ARHGAP6: variants seen among roughly 807,000 people sequenced by gnomAD.
ARHGAP6 encodes Rho GTPase activating protein 6.
A neutral mutation model predicts 55.7 loss-of-function variants in ARHGAP6; 16 were observed. That is an observed-to-expected ratio of 0.29 (90% CI 0.19 to 0.44). The LOEUF (loss-of-function observed/expected upper bound fraction) is 0.44, where lower values mean the gene tolerates loss of function less well. Among genes scored for constraint, ARHGAP6 ranks in the 20% least tolerant of loss-of-function variants. The probability of loss-of-function intolerance (pLI) is 1.00; values close to 1 mark genes in which losing one functional copy is unlikely to be tolerated. For missense variants in ARHGAP6, 698 were observed against 808.9 expected (o/e 0.86, Z 1.66); for synonymous variants, 382 against 360.9 (o/e 1.06, Z -0.66).
rs746874205 is a variant in ARHGAP6, at chrX:11,393,222, AT to A, written c.589-138516del. Among the ~76,000 whole-genome samples the A allele has an allele frequency of 2.7e-5, 3 of 111,243 alleles. No homozygotes were observed. The South Asian group carries it at 1.1e-3, about 42-fold the overall frequency. On this transcript the variant is annotated intron_variant, in intron 1 of 12. Transcript: ENST00000337414. Reference sequence around the variant, plus strand: ...AGCAATTTAAGTTTTTTAGTCTTTAATTTTTCCTATTTAAAAAAGTAATACT... The same window carrying A: ...AGCAATTTAAGTTTTTTAGTCTTTAATTTTCCTATTTAAAAAAGTAATACT...
intron 6 of ARHGAP6, among the ~76,000 whole-genome samples, chrX:11,181,404 G>A (rs1295639683): frequency 1.8e-5 from 2 of 112,134 alleles, no homozygotes; most frequent in African/African-American, 6.5e-5. Flanking sequence ...AGAAAATAAT[G>A]CTTTAATTTT....
At chrX:11,638,221 T>G (rs1665618365) in intron 1 of ARHGAP6, among the ~76,000 whole-genome samples, 1 of 111,754 alleles carries the variant, frequency 8.9e-6, no homozygotes, top group Non-Finnish European at 1.9e-5. Context: ...CTGACTAACA[T>G]TTTCAGTTGG....
chrX:11,272,867 G>A (rs112549589), intron 1 of ARHGAP6, among the ~76,000 whole-genome samples: 2,946 of 111,864 alleles, frequency 0.026, 37 homozygotes, highest in South Asian at 0.055. Context: ...CAAATGGGAT[G>A]CAGTGTTATA....
intron 1 of ARHGAP6, chrX:11,290,524 G>C: frequency 3.2e-6 from 1 of 312,487 alleles, no homozygotes; most frequent in Non-Finnish European, 6.1e-6. Flanking sequence ...CCTAGAGAAT[G>C]ATGTTTTCTT....
intron 1 of ARHGAP6, among the ~76,000 whole-genome samples, chrX:11,632,888 T>C (rs1201697738): frequency 8.9e-6 from 1 of 112,092 alleles, no homozygotes; most frequent in Non-Finnish European, 1.9e-5. Flanking sequence ...GACTGGCACC[T>C]GTCCCCTTTG....
chrX:11,412,950 C>G (rs1485022239), intron 1 of ARHGAP6, among the ~76,000 whole-genome samples: 4 of 112,235 alleles, frequency 3.6e-5, no homozygotes, highest in Non-Finnish European at 5.6e-5. Flanking sequence ...TCTTTTCAGG[C>G]CAGTCCATGG....
At chrX:11,499,374 T>TCTCAACTTCAG (rs112582794) in intron 1 of ARHGAP6, among the ~76,000 whole-genome samples, 12,604 of 111,525 alleles carry the variant, frequency 0.11, 736 homozygotes, top group African/African-American at 0.2. Flanking sequence ...GGAAATGTTT[T>TCTCAACTTCAG]CTCAACTTCA....
intron 1 of ARHGAP6, among the ~76,000 whole-genome samples, chrX:11,588,569 A>G (rs1488928234): frequency 8.9e-6 from 1 of 112,574 alleles, no homozygotes; most frequent in Non-Finnish European, 1.9e-5. Flanking sequence ...TATCCATACA[A>G]TAAATTATTC....
chrX:11,149,695 A>T (rs987367207), intron 10 of ARHGAP6, among the ~76,000 whole-genome samples: 3 of 112,265 alleles, frequency 2.7e-5, no homozygotes, highest in African/African-American at 9.7e-5. Context: ...ATTTTTAATG[A>T]TGAGCTTTGA....
rs1226786458 is a variant in ARHGAP6, at chrX:11,138,286, C to T, written c.*577G>A. ...TGACTCCTATGTAAAAATATGGCTT[C>T]TCATATTCTGCTTCCTCTTGTTAGT... On this transcript the variant is annotated 3_prime_UTR_variant, in exon 13 of 13. Transcript: ENST00000337414. 1 of 112,044 alleles carries T rather than the reference C, an allele frequency of 8.9e-6. No homozygotes were observed. Among genetic ancestry groups the T allele is most frequent in the African/African-American group, 3.3e-5 (1 of 30,668 alleles). The allele number at this position is 112,044 out of a possible 1,213,427, so 9.2% of individuals were successfully genotyped here.
intron 2 of ARHGAP6, among the ~76,000 whole-genome samples, chrX:11,223,504 AAT>A (rs1367575968): frequency 2.7e-5 from 3 of 111,577 alleles, no homozygotes; most frequent in Non-Finnish European, 5.7e-5. Context: ...TCCAGATAAA[AAT>A]AGTCTTCCTG....
chrX:11,558,315 G>T (rs992383654), intron 1 of ARHGAP6, among the ~76,000 whole-genome samples: 4 of 111,672 alleles, frequency 3.6e-5, no homozygotes, highest in Non-Finnish European at 5.6e-5. Flanking sequence ...AAATGATGTC[G>T]GAGGATTGTC....
intron 1 of ARHGAP6, among the ~76,000 whole-genome samples, chrX:11,357,708 A>G (rs1306555062): frequency 9.0e-6 from 1 of 111,494 alleles, no homozygotes; most frequent in Non-Finnish European, 1.9e-5. Flanking sequence ...CCCCCATGCT[A>G]ATAAGTCTTT....
At chrX:11,222,994 C>A (rs2046993370) in intron 2 of ARHGAP6, among the ~76,000 whole-genome samples, 1 of 112,099 alleles carries the variant, frequency 8.9e-6, no homozygotes, top group African/African-American at 3.2e-5. Context: ...AAAGGTTTTA[C>A]AGAAAAGGAT....
At chrX:11,219,027 T>TCCCTCCC (rs1484397831) in intron 2 of ARHGAP6, among the ~76,000 whole-genome samples, 1 of 75,364 alleles carries the variant, frequency 1.3e-5, no homozygotes. Flanking sequence ...CCCATTGCTA[T>TCCCTCCC]CCCTCCCCCC....
chrX:11,259,521 C>G (rs2047532158), intron 1 of ARHGAP6, among the ~76,000 whole-genome samples: 2 of 111,781 alleles, frequency 1.8e-5, no homozygotes, highest in African/African-American at 6.5e-5. Flanking sequence ...TGTAGTAAGT[C>G]TAGAAAATCC....
chrX:11,602,780 A>C (rs767685766), intron 1 of ARHGAP6, among the ~76,000 whole-genome samples: 37 of 111,968 alleles, frequency 3.3e-4, no homozygotes, highest in Non-Finnish European at 6.6e-4. Context: ...CTCTTTACTA[A>C]ACCTCTGTGT....
At chrX:11,182,887 A>C (rs779624674) in intron 5 of ARHGAP6, among the ~76,000 whole-genome samples, 2 of 110,615 alleles carry the variant, frequency 1.8e-5, no homozygotes, top group South Asian at 7.7e-4. Flanking sequence ...AATTGCTGAG[A>C]TTACAGGTGT....
At chrX:11,186,457 A>G in intron 4 of ARHGAP6, 26 bp from the exon 5 acceptor site, 1 of 1,182,054 alleles carries the variant, frequency 8.5e-7, no homozygotes, top group East Asian at 3.0e-5. Flanking sequence ...AGCCGTGAAC[A>G]TAAAGTACAG....
Sources: gnomAD v4.1 joint callset for allele counts (sites outside exome capture counted in the v4.1 genomes callset) on GRCh38, gnomAD v4.1.1 for gene constraint, MANE v1.5 for transcripts, NCBI Gene and HGNC (gene_info 2026-07-23, HGNC 2026-07-21) for gene names.